The following CSNK1G3 variants were observed in gnomAD, a reference collection of about 807,000 sequenced individuals.
CSNK1G3 encodes the protein casein kinase I isoform gamma-3.
A neutral mutation model predicts 64.3 loss-of-function variants in CSNK1G3; 23 were observed. The ratio of observed to expected loss-of-function variants is 0.36; its 90% CI spans 0.26 to 0.51. The LOEUF (loss-of-function observed/expected upper bound fraction) is 0.51. Among genes scored for constraint, CSNK1G3 ranks in the 20% least tolerant of loss-of-function variants. The probability of loss-of-function intolerance (pLI) is 0.96; values close to 1 mark genes in which losing one functional copy is unlikely to be tolerated. For synonymous variants in CSNK1G3, 158 were observed against 162.2 expected (o/e 0.97, Z 0.20); for missense variants, 357 against 510.5 (o/e 0.70, Z 2.90).
At chr5:123,519,948 A>C (rs1474659929) in intron 1 of CSNK1G3, among the ~76,000 whole-genome samples, 2 of 152,208 alleles carry the variant, frequency 1.3e-5, no homozygotes, top group Non-Finnish European at 2.9e-5. Context: ...TCAGTCAGCT[A>C]ATCACCTTTA....
chr5:123,529,676 A>G (rs565263716), intron 1 of CSNK1G3, among the ~76,000 whole-genome samples: 12 of 152,264 alleles, frequency 7.9e-5, no homozygotes, highest in African/African-American at 2.6e-4. Context: ...TTCTGATTTT[A>G]GATAGTAAGA....
At chr5:123,579,878 G>GT (rs1476247028) in intron 6 of CSNK1G3, among the ~76,000 whole-genome samples, 1 of 151,938 alleles carries the variant, frequency 6.6e-6, no homozygotes, top group African/African-American at 2.4e-5. Flanking sequence ...AAACTCAGGA[G>GT]TAGGTGGGTA....
intron 4 of CSNK1G3, among the ~76,000 whole-genome samples, chr5:123,560,145 G>T (rs1190985053): frequency 6.6e-6 from 1 of 152,018 alleles, no homozygotes; most frequent in East Asian, 1.9e-4. Flanking sequence ...TAATCATTAG[G>T]GAAATGCAGC....
intron 2 of CSNK1G3, among the ~76,000 whole-genome samples, chr5:123,549,676 C>T (rs1401594244): frequency 6.6e-6 from 1 of 152,188 alleles, no homozygotes; most frequent in Non-Finnish European, 1.5e-5. Flanking sequence ...TTTTCTGCCA[C>T]CTAACCAAAA....
At chr5:123,593,493 C>T (rs1419016531) in intron 10 of CSNK1G3, among the ~76,000 whole-genome samples, 4 of 151,832 alleles carry the variant, frequency 2.6e-5, no homozygotes, top group African/African-American at 7.3e-5. Context: ...TTGTTGGGTA[C>T]ATGTAATTGT....
At chr5:123,607,754 A>G (rs1044332432) in intron 12 of CSNK1G3, among the ~76,000 whole-genome samples, 3 of 152,208 alleles carry the variant, frequency 2.0e-5, no homozygotes, top group Non-Finnish European at 4.4e-5. Flanking sequence ...TTGTTTTAAA[A>G]AAAGTATAGC....
At chr5:123,520,476 ATTT>A (rs77863119) in intron 1 of CSNK1G3, among the ~76,000 whole-genome samples, 2 of 138,746 alleles carry the variant, frequency 1.4e-5, no homozygotes, top group Non-Finnish European at 1.6e-5. Flanking sequence ...AAAAACAGTA[ATTT>A]TTTTTTTTTT....
chr5:123,569,969 A>G (rs1419005218), intron 4 of CSNK1G3, among the ~76,000 whole-genome samples: 1 of 152,162 alleles, frequency 6.6e-6, no homozygotes, highest in East Asian at 1.9e-4. Context: ...GATAATCTTA[A>G]GGTTTTTGCC....
intron 6 of CSNK1G3, among the ~76,000 whole-genome samples, chr5:123,585,536 T>C (rs1186583427): frequency 6.6e-6 from 1 of 152,166 alleles, no homozygotes; most frequent in South Asian, 2.1e-4. Flanking sequence ...AATAGCAAGC[T>C]GTTTTCTTGA....
At chr5:123,601,222 TA>T (rs1794442282) in intron 10 of CSNK1G3, among the ~76,000 whole-genome samples, 2 of 152,154 alleles carry the variant, frequency 1.3e-5, no homozygotes, top group Admixed American at 6.6e-5. Flanking sequence ...TCCAGGAGTA[TA>T]ATGATATATT....
At chr5:123,609,362 T>A (rs1283374872) in intron 12 of CSNK1G3, among the ~76,000 whole-genome samples, 1 of 152,152 alleles carries the variant, frequency 6.6e-6, no homozygotes, top group African/African-American at 2.4e-5. Context: ...ATAAATTAAG[T>A]TTTCCTATGA....
chr5:123,528,366 A>C (rs1275674751), intron 1 of CSNK1G3, among the ~76,000 whole-genome samples: 1 of 152,134 alleles, frequency 6.6e-6, no homozygotes, highest in East Asian at 1.9e-4. Flanking sequence ...TAACATTCTT[A>C]AATTTCTAAG....
At chr5:123,545,580 A>T in exon 2 of CSNK1G3, 1 of 1,054,626 alleles carries the variant, frequency 9.5e-7, no homozygotes, top group Non-Finnish European at 1.4e-6. Flanking sequence ...ACAGTTACCT[A>T]GTGATGTACC....
intron 1 of CSNK1G3, among the ~76,000 whole-genome samples, chr5:123,531,275 C>T (rs1036476988): frequency 6.6e-6 from 1 of 151,868 alleles, no homozygotes; most frequent in Non-Finnish European, 1.5e-5. Context: ...TACTTAATAC[C>T]GATATGTTCT....
chr5:123,513,594 AAAT>A (rs1704256026), intron 1 of CSNK1G3, among the ~76,000 whole-genome samples: 1 of 152,246 alleles, frequency 6.6e-6, no homozygotes, highest in Non-Finnish European at 1.5e-5. Context: ...TGAATTAAGA[AAAT>A]AAGTCATTAT....
At chr5:123,546,958 G>A (rs1038659556) in intron 2 of CSNK1G3, among the ~76,000 whole-genome samples, 1 of 152,050 alleles carries the variant, frequency 6.6e-6, no homozygotes, top group African/African-American at 2.4e-5. Context: ...AAGGGTGAAT[G>A]TTTTATGTTT....
At chr5:123,566,944 T>C (rs1173678265) in intron 4 of CSNK1G3, among the ~76,000 whole-genome samples, 1 of 152,230 alleles carries the variant, frequency 6.6e-6, no homozygotes, top group Non-Finnish European at 1.5e-5. Context: ...TGTTTAATGA[T>C]TGTATTCGTC....
intron 8 of CSNK1G3, among the ~76,000 whole-genome samples, chr5:123,589,020 G>A (rs1165448306): frequency 1.3e-5 from 2 of 152,012 alleles, no homozygotes; most frequent in South Asian, 2.1e-4. Flanking sequence ...TAGATTTATG[G>A]CAACTCAAAT....
chr5:123,608,932 A>G (rs539401465), intron 12 of CSNK1G3, among the ~76,000 whole-genome samples: 3 of 152,274 alleles, frequency 2.0e-5, no homozygotes, highest in South Asian at 2.1e-4. Context: ...AAAATGGAGT[A>G]TGTCCTCCTA....
Sources: allele counts gnomAD v4.1 joint callset (sites outside exome capture counted in the v4.1 genomes callset), GRCh38; gene constraint gnomAD v4.1.1; transcripts MANE v1.5; gene names NCBI Gene and HGNC (gene_info 2026-07-23, HGNC 2026-07-21).